Variants in CNTNAP2 observed in about 807,000 individuals in gnomAD.
CNTNAP2 encodes contactin-associated protein-like 2.
In CNTNAP2, 98 loss-of-function variants were observed where a neutral mutation model predicts 155.2. The ratio of observed to expected loss-of-function variants is 0.63; its 90% CI spans 0.54 to 0.75. The LOEUF (loss-of-function observed/expected upper bound fraction) is 0.75. Among genes scored for constraint, CNTNAP2 ranks in the 30% least tolerant of loss-of-function variants. CNTNAP2 has a pLI of 0.00. For synonymous variants in CNTNAP2, 651 were observed against 631.2 expected (o/e 1.03, Z -0.47); for missense variants, 1,727 against 1,688.1 (o/e 1.02, Z -0.40).
chr7:147,994,944 C>A (rs771004635), intron 15 of CNTNAP2, among the ~76,000 whole-genome samples: 5 of 152,126 alleles, frequency 3.3e-5, no homozygotes, highest in Non-Finnish European at 7.4e-5. Flanking sequence ...GGTATGACTA[C>A]AGCAAAAGGA....
At chr7:147,450,614 C>G (rs1018768578) in intron 10 of CNTNAP2, among the ~76,000 whole-genome samples, 3 of 152,182 alleles carry the variant, frequency 2.0e-5, no homozygotes, top group African/African-American at 7.2e-5. Context: ...TAGCCATATT[C>G]ATCAGATCAG....
At chr7:147,506,318 C>T (rs147840551) in intron 11 of CNTNAP2, among the ~76,000 whole-genome samples, 95 of 152,252 alleles carry the variant, frequency 6.2e-4, no homozygotes, top group Admixed American at 2.9e-3. Flanking sequence ...TGCAATGGCG[C>T]GATCTCGGCT....
In CNTNAP2 at chr7:148,417,714, A is replaced by G. The variant is rs1563081788; in HGVS notation, c.*2098A>G. 6.6e-6 allele frequency: 1 copy of G among 152,242 alleles called. No individual in the cohort carries two copies. The highest frequency in any genetic ancestry group is 2.4e-5 in the African/African-American group (1 of 41,460). The allele number at this position is 152,242 out of a possible 1,614,324, so 9.4% of individuals were successfully genotyped here. A position where few individuals can be genotyped will look rare whatever the true frequency, so the allele number is the denominator to read the frequency against. On this transcript the variant is annotated 3_prime_UTR_variant, in exon 24 of 24. Transcript: ENST00000361727. ...TGATTTTTAAACCTGGTTTACAGGT[A>G]TTACTTCTGCACTTACCAAATAATG...
At chr7:146,868,866 G>GTGCATGATATGTACA (rs149912527) in intron 3 of CNTNAP2, among the ~76,000 whole-genome samples, 2,165 of 152,214 alleles carry the variant, frequency 0.014, 50 homozygotes, top group African/African-American at 0.049. Context: ...CATTGATTAT[G>GTGCATGATATGTACA]TATCTTACAA....
intron 8 of CNTNAP2, among the ~76,000 whole-genome samples, chr7:147,266,822 C>T (rs773067958): frequency 6.6e-6 from 1 of 152,008 alleles, no homozygotes; most frequent in Admixed American, 6.6e-5. Flanking sequence ...TTTAAGTTTC[C>T]AACTTATCTG....
At chr7:146,352,750 G>GTTTTTTTTGTTTTTTT (rs1794934824) in intron 1 of CNTNAP2, among the ~76,000 whole-genome samples, 2 of 64,338 alleles carry the variant, frequency 3.1e-5, no homozygotes, top group African/African-American at 1.3e-4. Context: ...GCATAATTCT[G>GTTTTTTTTGTTTTTTT]TTTTTTTTTT....
chr7:146,701,891 T>C (rs975085734), intron 1 of CNTNAP2, among the ~76,000 whole-genome samples: 2 of 152,174 alleles, frequency 1.3e-5, no homozygotes, highest in Admixed American at 6.6e-5. Context: ...AAACATAGGC[T>C]ATGCTTGTGA....
At chr7:146,508,217 T>G (rs1464122064) in intron 1 of CNTNAP2, among the ~76,000 whole-genome samples, 2 of 152,060 alleles carry the variant, frequency 1.3e-5, no homozygotes, top group Non-Finnish European at 2.9e-5. Context: ...TATTGATGGG[T>G]GGAAGTAACC....
intron 1 of CNTNAP2, among the ~76,000 whole-genome samples, chr7:146,234,321 C>T (rs1427030975): frequency 6.6e-6 from 1 of 151,944 alleles, no homozygotes; most frequent in African/African-American, 2.4e-5. Context: ...TTGTTTTTTT[C>T]TTGTAAATTT....
At chr7:146,903,826 A>G (rs1446139095) in intron 3 of CNTNAP2, among the ~76,000 whole-genome samples, 2 of 152,190 alleles carry the variant, frequency 1.3e-5, no homozygotes, top group Non-Finnish European at 2.9e-5. Flanking sequence ...TGCCATTAGT[A>G]ATAATGTATA....
At chr7:146,691,948 T>C (rs1170774934) in intron 1 of CNTNAP2, among the ~76,000 whole-genome samples, 1 of 152,104 alleles carries the variant, frequency 6.6e-6, no homozygotes, top group South Asian at 2.1e-4. Context: ...CCCCTAAAAA[T>C]TTAAGGTCCT....
chr7:147,203,203 A>AT (rs943903368), intron 8 of CNTNAP2, among the ~76,000 whole-genome samples: 3 of 152,132 alleles, frequency 2.0e-5, no homozygotes, highest in Non-Finnish European at 4.4e-5. Flanking sequence ...TCTGATTAAA[A>AT]TTTTTTGTAA....
intron 13 of CNTNAP2, among the ~76,000 whole-genome samples, chr7:147,884,136 C>CA (rs1267898151): frequency 5.3e-5 from 8 of 152,096 alleles, no homozygotes; most frequent in African/African-American, 1.9e-4. Flanking sequence ...TTTCAGGTGG[C>CA]AAAAATAGTC....
chr7:147,794,264 A>G (rs1308345589), intron 13 of CNTNAP2, among the ~76,000 whole-genome samples: 1 of 151,970 alleles, frequency 6.6e-6, no homozygotes, highest in Non-Finnish European at 1.5e-5. Context: ...GTCTTTCACC[A>G]TTAAGTATGA....
intron 1 of CNTNAP2, among the ~76,000 whole-genome samples, chr7:146,673,751 T>C (rs1359137942): frequency 6.6e-6 from 1 of 150,966 alleles, no homozygotes; most frequent in Non-Finnish European, 1.5e-5. Flanking sequence ...AGCTAATTCT[T>C]AATTTTTTTT....
chr7:147,362,754 C>T (rs139288030), intron 9 of CNTNAP2, among the ~76,000 whole-genome samples: 1 of 152,160 alleles, frequency 6.6e-6, no homozygotes, highest in African/African-American at 2.4e-5. Flanking sequence ...TCTAAAACTG[C>T]CTGTCCTAGA....
At chr7:146,265,568 C>T (rs966385322) in intron 1 of CNTNAP2, among the ~76,000 whole-genome samples, 7 of 151,388 alleles carry the variant, frequency 4.6e-5, no homozygotes, top group Admixed American at 3.3e-4. Context: ...AAGTGATTCT[C>T]ATGCCTCAGC....
At chr7:147,095,919 C>A (rs1800521901) in intron 4 of CNTNAP2, among the ~76,000 whole-genome samples, 1 of 152,172 alleles carries the variant, frequency 6.6e-6, no homozygotes, top group African/African-American at 2.4e-5. Context: ...GGCAGCTTCT[C>A]CCTTCATATG....
At chr7:146,257,585 T>G (rs1799859133) in intron 1 of CNTNAP2, among the ~76,000 whole-genome samples, 1 of 152,184 alleles carries the variant, frequency 6.6e-6, no homozygotes, top group Non-Finnish European at 1.5e-5. Context: ...TATTTCTTTC[T>G]GTGAGAATGA....
Sources: allele counts gnomAD v4.1 joint callset (sites outside exome capture counted in the v4.1 genomes callset), GRCh38; gene constraint gnomAD v4.1.1; transcripts MANE v1.5; gene names NCBI Gene and HGNC (gene_info 2026-07-23, HGNC 2026-07-21).